DIPK1A: variants seen among roughly 807,000 people sequenced by gnomAD.
DIPK1A encodes divergent protein kinase domain 1A.
A neutral mutation model predicts 40.8 loss-of-function variants in DIPK1A; 27 were observed. The ratio of observed to expected loss-of-function variants is 0.66; its 90% CI spans 0.49 to 0.91. DIPK1A has a LOEUF of 0.91. Ranked by LOEUF, DIPK1A falls within the 40% of genes least tolerant of loss-of-function variation. The probability of loss-of-function intolerance (pLI) is 0.00; values close to 1 mark genes in which losing one functional copy is unlikely to be tolerated. For synonymous variants in DIPK1A, 166 were observed against 171.3 expected, an observed-to-expected ratio of 0.97 and a Z score of 0.24; for missense variants, 412 against 505.7, an observed-to-expected ratio of 0.81 and a Z score of 1.78.
In DIPK1A at chr1:92,845,610, G is replaced by A. The variant is rs993976944; in HGVS notation, c.475-1415C>T. 65 of 266,322 alleles carry A rather than the reference G, an allele frequency of 2.4e-4. 1 individual carries two copies. Among genetic ancestry groups the A allele is most frequent in the South Asian group, 4.7e-4 (14 of 30,038 alleles). 16.5% of individuals were successfully genotyped at this position (266,322 alleles called of 1,614,324 possible). On this transcript the variant is annotated intron_variant, in intron 4 of 4. Coordinates refer to ENST00000370310, the MANE Select transcript of DIPK1A (RefSeq NM_001006605.5). ...TCCCAGCGCTTTGGGAGGCTGAGGC[G>A]GGTGGATCACCATGAGGTCAGGAGT...
Position 92,842,372 on chromosome 1 carries a change from T to C in DIPK1A, c.*1011A>G. ...GTGGTTCTTTTCTCCAAAAGGTGTT[T>C]AATTTTATGGAGATGTTGAAAGGTA... is the stretch of plus-strand genomic sequence containing the variant. On this transcript the variant is annotated 3_prime_UTR_variant, in exon 5 of 5. Transcript: ENST00000370310. The C allele has an allele frequency of 4.1e-6, 4 of 984,896 alleles. No homozygotes were observed. Among genetic ancestry groups the C allele is most frequent in the Non-Finnish European group, 4.8e-6 (4 of 829,406 alleles). The allele number at this position is 984,896 out of a possible 1,614,324, so 61.0% of individuals were successfully genotyped here.
At chr1:92,960,980 G>T (rs895958485) in intron 1 of DIPK1A, among the ~76,000 whole-genome samples, 1 of 152,224 alleles carries the variant, frequency 6.6e-6, no homozygotes, top group African/African-American at 2.4e-5. Context: ...CCACGGGGGA[G>T]GGGGGAAAGC....
In DIPK1A at chr1:92,952,764, C is replaced by CT. The variant is rs199903864; in HGVS notation, c.54+8611dup. 2.2e-3 allele frequency among the ~76,000 whole-genome samples: 330 copies of CT among 151,812 alleles called. 1 individual carries two copies. Among genetic ancestry groups the CT allele is most frequent in the African/African-American group, 7.6e-3 (315 of 41,396 alleles). On this transcript the variant is annotated intron_variant, in intron 1 of 4. Coordinates refer to ENST00000370310, the MANE Select transcript of DIPK1A (RefSeq NM_001006605.5). ...GTAATCTAAAAAAAATCCTTTATGG[C>CT]TTTTTTTTAAAAAAAAATACAGGAT...
rs201809934 is a variant in DIPK1A at position 92,880,498 on chromosome 1, A to C, written c.55-4068T>G. 1.2e-4 allele frequency among the ~76,000 whole-genome samples: 19 copies of C among 152,298 alleles called. No individual in the cohort carries two copies. The East Asian group carries it at 3.7e-3, about 29-fold the overall frequency. On this transcript the variant is annotated intron_variant, in intron 1 of 4. Transcript: ENST00000370310. ...TAACTTATTTCAAAACAAATCTGAA[A>C]ATTTTTGATCTTGTTTGTAACTTTA...
chr1:92,911,062 T>G (rs1649807805), intron 1 of DIPK1A, among the ~76,000 whole-genome samples: 1 of 152,238 alleles, frequency 6.6e-6, no homozygotes, highest in Non-Finnish European at 1.5e-5. Flanking sequence ...ATATGTAAAC[T>G]TTGAGACTGG....
At chr1:92,916,715 AC>A (rs576647299) in intron 1 of DIPK1A, among the ~76,000 whole-genome samples, 40 of 152,284 alleles carry the variant, frequency 2.6e-4, no homozygotes, top group Non-Finnish European at 4.7e-4. Flanking sequence ...AGTATCATTT[AC>A]CCTGATAATG....
downstream of DIPK1A, chr1:92,840,810 C>T (rs771382221): frequency 9.6e-6 from 7 of 728,772 alleles, no homozygotes; most frequent in South Asian, 9.5e-5. Flanking sequence ...ATGTGTTAGC[C>T]TCAGACACTA....
downstream of DIPK1A, among the ~76,000 whole-genome samples, chr1:92,839,668 C>T (rs919903373): frequency 2.0e-5 from 3 of 152,176 alleles, no homozygotes; most frequent in African/African-American, 7.2e-5. Flanking sequence ...ATACGTTCAT[C>T]ATCTTAATAT....
rs140168929 is a variant in DIPK1A, at chr1:92,955,864, G to A, written c.54+5512C>T. Among the ~76,000 whole-genome samples, 856 of 152,074 alleles carry A rather than the reference G, an allele frequency of 5.6e-3. 7 individuals are homozygous for A. The highest frequency in any genetic ancestry group is 0.024 in the Middle Eastern group (7 of 294). On this transcript the variant is annotated intron_variant, in intron 1 of 4. Transcript: ENST00000370310. ...AAGACCAGCCTGGGCAATGCAGTGG[G>A]ACCACTGTCTCTTAAAAAAATATTT...
intron 1 of DIPK1A, chr1:92,931,464 A>T (rs966757775): frequency 2.3e-5 from 4 of 173,896 alleles, no homozygotes; most frequent in African/African-American, 9.5e-5. Context: ...GCGGTGGCTC[A>T]TGCTTGCAAT....
At chr1:92,928,859 G>A (rs1256396351) in intron 1 of DIPK1A, among the ~76,000 whole-genome samples, 2 of 152,120 alleles carry the variant, frequency 1.3e-5, no homozygotes, top group African/African-American at 4.8e-5. Context: ...CTACTCAGGA[G>A]GCTGAGGCAG....
At chr1:92,899,009 C>A (rs1260397817) in intron 1 of DIPK1A, among the ~76,000 whole-genome samples, 4 of 152,182 alleles carry the variant, frequency 2.6e-5, no homozygotes, top group African/African-American at 9.7e-5. Flanking sequence ...ATTCAAATAT[C>A]CTCCCATGTC....
At chr1:92,847,136 TAA>T (rs1455720037) in intron 4 of DIPK1A, 45 bp downstream of exon 4, 3 of 1,284,930 alleles carry the variant, frequency 2.3e-6, no homozygotes, top group Middle Eastern at 1.9e-4. Flanking sequence ...CCAATTCCTC[TAA>T]AGAGTCCCAC....
intron 1 of DIPK1A, among the ~76,000 whole-genome samples, chr1:92,947,963 G>C (rs1396008906): frequency 6.6e-6 from 1 of 152,114 alleles, no homozygotes; most frequent in Admixed American, 6.5e-5. Context: ...TAGATAGGAG[G>C]AATAAGTTCT....
At chr1:92,899,586 TATTA>T (rs1262522581) in intron 1 of DIPK1A, among the ~76,000 whole-genome samples, 1 of 152,208 alleles carries the variant, frequency 6.6e-6, no homozygotes, top group East Asian at 1.9e-4. Context: ...TTCTTCATTT[TATTA>T]ATTGTTTTCT....
chr1:92,882,588 C>T (rs150271466), intron 1 of DIPK1A, among the ~76,000 whole-genome samples: 10 of 152,254 alleles, frequency 6.6e-5, no homozygotes, highest in South Asian at 4.1e-4. Context: ...TATTCTATTT[C>T]GACTTGCATC....
intron 2 of DIPK1A, among the ~76,000 whole-genome samples, chr1:92,852,223 G>T (rs1026871378): frequency 6.6e-6 from 1 of 152,218 alleles, no homozygotes; most frequent in South Asian, 2.1e-4. Flanking sequence ...TCTAGGCAGG[G>T]TGCAGTGGCT....
At chr1:92,907,508 A>T (rs1557479767) in intron 1 of DIPK1A, among the ~76,000 whole-genome samples, 1 of 151,312 alleles carries the variant, frequency 6.6e-6, no homozygotes, top group African/African-American at 2.4e-5. Flanking sequence ...GGCACAATCA[A>T]AACTTATTAC....
At chr1:92,836,491 T>C in intron 4 of DIPK1A, 2 of 1,079,226 alleles carry the variant, frequency 1.9e-6, no homozygotes, top group African/African-American at 1.5e-5. Context: ...TAGCTATCAA[T>C]TGAATGCCTG....
Sources: gnomAD v4.1 joint callset for allele counts (sites outside exome capture counted in the v4.1 genomes callset) on GRCh38, gnomAD v4.1.1 for gene constraint, MANE v1.5 for transcripts, NCBI Gene and HGNC (gene_info 2026-07-23, HGNC 2026-07-21) for gene names.